TCAF2: variants seen among roughly 807,000 people sequenced by gnomAD.
TCAF2 encodes the protein TRPM8 channel associated factor 2.
Under a neutral mutation model 33.9 loss-of-function variants are expected in TCAF2, and 6 were observed. The observed-to-expected ratio is 0.18, with a 90% CI of 0.10 to 0.35. TCAF2 has a LOEUF of 0.35. TCAF2 is among the 10% of genes least tolerant of loss of function. TCAF2 has a pLI of 1.00. For missense variants in TCAF2, 109 were observed against 604.0 expected (o/e 0.18, Z 8.59); for synonymous variants, 41 against 247.8 (o/e 0.17, Z 7.84).
chr7:143,708,195 A>G (rs1809275997), intron 2 of TCAF2, among the ~76,000 whole-genome samples: 1 of 62,618 alleles, frequency 1.6e-5, no homozygotes. Context: ...ATACAAATTA[A>G]AAGTTAGATC....
chr7:143,720,250 C>T lies in TCAF2; in HGVS notation c.1191C>T (p.Leu397=). The change falls in exon 3 of 8, where the codon CTC becomes CTT. Residue 397 remains leucine (L), a synonymous_variant. Coordinates refer to ENST00000684770, the MANE Select transcript of TCAF2 (RefSeq NM_001363538.2). ...GCCTCAGCATCCTGCCTCAGACTCT[C>T]AAAGCAGGCTGCTTCCCCGTTCCCA... ...CFGLSILPQT[L]KAGCFPVPTP... 1.0e-6 allele frequency: 1 copy of T among 998,040 alleles called. No individual in the cohort carries two copies. The highest frequency in any genetic ancestry group is 1.5e-6 in the Non-Finnish European group (1 of 688,396). The allele number at this position is 998,040 out of a possible 1,614,324, so 61.8% of individuals were successfully genotyped here. A position where few individuals can be genotyped will look rare whatever the true frequency, so the allele number is the denominator to read the frequency against.
chr7:143,643,111 GA>G, intron 1 of TCAF2: 1 of 431,926 alleles, frequency 2.3e-6, no homozygotes, highest in Non-Finnish European at 3.9e-6. Flanking sequence ...GTGCTGATTG[GA>G]AAGCAAATAG....
intron 2 of TCAF2, among the ~76,000 whole-genome samples, chr7:143,712,568 T>A (rs1809332712): frequency 1.2e-5 from 1 of 82,638 alleles, no homozygotes; most frequent in Admixed American, 1.5e-4. Context: ...TGTAAATATG[T>A]ACTAGTGGCT....
chr7:143,707,364 T>G (rs1809239383), intron 2 of TCAF2, among the ~76,000 whole-genome samples: 1 of 52,274 alleles, frequency 1.9e-5, no homozygotes, highest in African/African-American at 8.7e-5. Flanking sequence ...ACATTGAAAT[T>G]TAAATAAAAC....
Position 143,728,672 on chromosome 7 carries a change from AG to A in TCAF2, c.*1007del, listed in dbSNP as rs1181654177. 1 of 152,278 alleles carries A rather than the reference AG, an allele frequency of 6.6e-6. No individual in the cohort carries two copies. Among genetic ancestry groups the A allele is most frequent in the Non-Finnish European group, 1.5e-5 (1 of 68,120 alleles). The allele number at this position is 152,278 out of a possible 1,614,324, so 9.4% of individuals were successfully genotyped here. A position where few individuals can be genotyped will look rare whatever the true frequency, so the allele number is the denominator to read the frequency against. On this transcript the variant is annotated 3_prime_UTR_variant, in exon 8 of 8. Coordinates refer to ENST00000684770, the MANE Select transcript of TCAF2 (RefSeq NM_001363538.2). Reference sequence around the variant, plus strand: ...CACTGTCAAGTGGTGGGGGGTCCACAGGCACAGTGGGCTTCACTCTGGAACA... The same window carrying A: ...CACTGTCAAGTGGTGGGGGGTCCACAGCACAGTGGGCTTCACTCTGGAACA...
chr7:143,727,187 AC>A (rs1000252547), intron 7 of TCAF2, among the ~76,000 whole-genome samples: 1 of 56,520 alleles, frequency 1.8e-5, no homozygotes, highest in African/African-American at 5.4e-5. Context: ...TCCCCTGAGC[AC>A]CCCCACTAGA....
intron 1 of TCAF2, among the ~76,000 whole-genome samples, chr7:143,634,971 A>T (rs1453441623): frequency 7.8e-6 from 1 of 127,664 alleles, no homozygotes; most frequent in Non-Finnish European, 1.6e-5. Flanking sequence ...CATCTGATCA[A>T]CATAGTTCTC....
intron 1 of TCAF2, among the ~76,000 whole-genome samples, chr7:143,634,706 G>A (rs1399151375): frequency 6.5e-5 from 2 of 30,802 alleles, no homozygotes; most frequent in Non-Finnish European, 1.3e-4. Flanking sequence ...ATAAAATTGT[G>A]TGTCTAATAG....
At position 143,729,049 on chromosome 7, in the gene TCAF2, C is replaced by T. The variant is rs1270398618; in HGVS notation, c.*1382C>T. On this transcript the variant is annotated 3_prime_UTR_variant, in exon 8 of 8. Transcript: ENST00000684770. Reference sequence around the variant, plus strand: ...CTTTTATTTCTCTAGTACCCTTTGCCAGGGGCTCTACACATCAAAGGTGTT... The same window carrying T: ...CTTTTATTTCTCTAGTACCCTTTGCTAGGGGCTCTACACATCAAAGGTGTT... 2.0e-5 allele frequency: 3 copies of T among 151,822 alleles called. No individual in the cohort carries two copies. Among genetic ancestry groups the T allele is most frequent in the Admixed American group, 2.0e-4 (3 of 15,254 alleles). The allele number at this position is 151,822 out of a possible 1,614,324, so 9.4% of individuals were successfully genotyped here.
intron 1 of TCAF2, among the ~76,000 whole-genome samples, chr7:143,647,871 A>T (rs1331557954): frequency 6.9e-6 from 1 of 144,678 alleles, no homozygotes; most frequent in Non-Finnish European, 1.5e-5. Context: ...ATTATCATTT[A>T]ATTGGCAATG....
At chr7:143,634,676 T>G (rs1386849048) in intron 1 of TCAF2, among the ~76,000 whole-genome samples, 26 of 26,044 alleles carry the variant, frequency 1.0e-3, no homozygotes, top group African/African-American at 3.0e-3. Context: ...TTCTTAAATC[T>G]GACAGGTTAA....
At chr7:143,628,105 T>C (rs1180007693) in intron 1 of TCAF2, among the ~76,000 whole-genome samples, 1 of 22,146 alleles carries the variant, frequency 4.5e-5, no homozygotes, top group Admixed American at 7.2e-4. Context: ...ACTGAGACTC[T>C]GTCTCAAAAA....
At chr7:143,718,511 T>A (rs944517939) in intron 2 of TCAF2, among the ~76,000 whole-genome samples, 6 of 152,094 alleles carry the variant, frequency 3.9e-5, no homozygotes, top group African/African-American at 1.2e-4. Context: ...TTACCTAATA[T>A]TTATTTTAAT....
At chr7:143,648,083 TA>T (rs892817308) in intron 1 of TCAF2, among the ~76,000 whole-genome samples, 1 of 99,224 alleles carries the variant, frequency 1.0e-5, no homozygotes, top group Non-Finnish European at 2.2e-5. Context: ...CACACCCAGC[TA>T]ATTTTTGTAT....
chr7:143,624,676 T>C (rs544760170), intron 1 of TCAF2, among the ~76,000 whole-genome samples: 69 of 56,028 alleles, frequency 1.2e-3, no homozygotes, highest in African/African-American at 3.1e-3. Flanking sequence ...TCAATACCTC[T>C]TAAATGCATG....
intron 7 of TCAF2, chr7:143,724,950 A>G (rs1809640181): frequency 1.8e-6 from 2 of 1,127,684 alleles, no homozygotes; most frequent in Non-Finnish European, 2.3e-6. Flanking sequence ...TATGAAAAAA[A>G]TAGAAATATA....
rs1419956102 is a variant in TCAF2, at chr7:143,648,439, A to G, written c.-12+27419A>G. ...ATAATTAAACATATAAACAAGTTAG[A>G]AAAACTAGTTTATTATGCCCAGAGA... On this transcript the variant is annotated intron_variant, in intron 1 of 7. Transcript: ENST00000684770. 1.4e-5 allele frequency among the ~76,000 whole-genome samples: 2 copies of G among 140,012 alleles called. 1 individual carries two copies. The highest frequency in any genetic ancestry group is 4.2e-4 in the East Asian group (2 of 4,750). The allele number at this position is 140,012 out of a possible 152,430, so 91.9% of individuals were successfully genotyped here.
At chr7:143,648,505 A>T (rs1176453174) in intron 1 of TCAF2, among the ~76,000 whole-genome samples, 1 of 139,206 alleles carries the variant, frequency 7.2e-6, no homozygotes, top group African/African-American at 2.6e-5. Context: ...AACTTTCTGC[A>T]AAGGAAGGCT....
chr7:143,728,828 G>A lies in TCAF2; in HGVS notation c.*1161G>A, dbSNP rs1051208347. Reference sequence around the variant, plus strand: ...TAGAGGGAGTTCTCATTGGAGATTTGTCTCTGGGATTAATGAGTGTATGCC... The same window carrying A: ...TAGAGGGAGTTCTCATTGGAGATTTATCTCTGGGATTAATGAGTGTATGCC... On this transcript the variant is annotated 3_prime_UTR_variant, in exon 8 of 8. Transcript: ENST00000684770. The A allele has an allele frequency of 9.2e-5, 14 of 152,182 alleles. No individual in the cohort carries two copies. Among genetic ancestry groups the A allele is most frequent in the African/African-American group, 3.1e-4 (13 of 41,440 alleles). 9.4% of individuals were successfully genotyped at this position (152,182 alleles called of 1,614,324 possible).
Sources: allele counts gnomAD v4.1 joint callset (sites outside exome capture counted in the v4.1 genomes callset), GRCh38; gene constraint gnomAD v4.1.1; transcripts MANE v1.5; gene names NCBI Gene and HGNC (gene_info 2026-07-23, HGNC 2026-07-21).